CNRIP1: variants seen among roughly 807,000 people sequenced by gnomAD.
CNRIP1 encodes CB1 cannabinoid receptor-interacting protein 1.
In CNRIP1, 10 loss-of-function variants were observed where a neutral mutation model predicts 15.2. The observed-to-expected ratio is 0.66, with a 90% CI of 0.41 to 1.12. CNRIP1 has a LOEUF of 1.12. Ranked by LOEUF, CNRIP1 falls within the 50% of genes most tolerant of loss-of-function variation. The pLI is 0.00. For synonymous variants in CNRIP1, 91 were observed against 83.2 expected (o/e 1.09, Z -0.51); for missense variants, 211 against 214.7 (o/e 0.98, Z 0.11).
intron 2 of CNRIP1, chr2:68,315,868 G>A (rs527780401): frequency 6.6e-6 from 1 of 152,160 alleles, no homozygotes; most frequent in East Asian, 1.9e-4. Context: ...TTTAGAGACA[G>A]GGTCCCACTA....
intron 2 of CNRIP1, among the ~76,000 whole-genome samples, chr2:68,310,841 C>A (rs1017403244): frequency 6.6e-6 from 1 of 151,674 alleles, no homozygotes; most frequent in South Asian, 2.1e-4. Flanking sequence ...CTCAATTAGC[C>A]AACATAAGGA....
chr2:68,306,122 T>TAGAAAAA (rs1413570488), intron 2 of CNRIP1, among the ~76,000 whole-genome samples: 1 of 3,950 alleles, frequency 2.5e-4, no homozygotes, highest in African/African-American at 2.1e-3. Context: ...ACCCCACCTC[T>TAGAAAAA]ACAAAAAAAA....
chr2:68,318,502 C>A lies in CNRIP1; in HGVS notation c.179+720G>T, dbSNP rs145064985. 2.2e-3 allele frequency among the ~76,000 whole-genome samples: 332 copies of A among 152,266 alleles called. 5 individuals are homozygous for A. The South Asian group carries it at 0.033, about 15-fold the overall frequency. ...CCAGCGGTCGCTGGCAAGAAATCGT[C>A]CCTGCCATGGATAAACCAAAAAACA... On this transcript the variant is annotated intron_variant, in intron 1 of 2. Transcript: ENST00000263655.
downstream of CNRIP1, among the ~76,000 whole-genome samples, chr2:68,288,540 A>G (rs1558659197): frequency 6.6e-6 from 1 of 152,254 alleles, no homozygotes; most frequent in Non-Finnish European, 1.5e-5. Flanking sequence ...CAAGTGGGAA[A>G]TGAAATACCC....
At chr2:68,289,637 C>A (rs1034011852), downstream of CNRIP1, among the ~76,000 whole-genome samples, 2 of 152,160 alleles carry the variant, frequency 1.3e-5, no homozygotes, top group Non-Finnish European at 1.5e-5. Context: ...CACACCACCA[C>A]GCCCAGCTAA....
intron 2 of CNRIP1, among the ~76,000 whole-genome samples, chr2:68,310,101 G>A (rs911888153): frequency 1.3e-5 from 2 of 152,166 alleles, no homozygotes; most frequent in Non-Finnish European, 2.9e-5. Flanking sequence ...GCCGAGGCAG[G>A]TGGATCACTT....
chr2:68,313,916 T>C (rs1054132704), intron 2 of CNRIP1, among the ~76,000 whole-genome samples: 2 of 152,156 alleles, frequency 1.3e-5, no homozygotes, highest in African/African-American at 4.8e-5. Flanking sequence ...CCTCACTCTA[T>C]GCCCACCATG....
At position 68,319,722 on chromosome 2, in the gene CNRIP1, C is replaced by T. The variant is rs770581884; in HGVS notation, c.-322G>A. On this transcript the variant is annotated 5_prime_UTR_variant, in exon 1 of 3. Coordinates refer to ENST00000263655, the MANE Select transcript of CNRIP1 (RefSeq NM_015463.3). ...AGGCTCGCTCTGGCCCGCAGGCCGC[C>T]GCGCAGATCCGCGCAGCTGGGGGCG... 3.3e-5 allele frequency: 10 copies of T among 301,024 alleles called. No homozygotes were observed. The highest frequency in any genetic ancestry group is 5.0e-5 in the Non-Finnish European group (8 of 160,108). The allele number at this position is 301,024 out of a possible 1,614,324, so 18.6% of individuals were successfully genotyped here. A position where few individuals can be genotyped will look rare whatever the true frequency, so the allele number is the denominator to read the frequency against.
chr2:68,299,461 A>C (rs1671520086), intron 2 of CNRIP1, among the ~76,000 whole-genome samples: 1 of 152,186 alleles, frequency 6.6e-6, no homozygotes, highest in Non-Finnish European at 1.5e-5. Context: ...GTACATGAGA[A>C]AGATGATCTC....
At chr2:68,290,999 C>A (rs1573004575), downstream of CNRIP1, among the ~76,000 whole-genome samples, 3 of 152,122 alleles carry the variant, frequency 2.0e-5, no homozygotes, top group African/African-American at 7.2e-5. Context: ...TAAAAATAGC[C>A]CTTCCAGATG....
intron 2 of CNRIP1, among the ~76,000 whole-genome samples, chr2:68,296,188 T>G (rs1367803234): frequency 6.6e-6 from 1 of 152,244 alleles, no homozygotes; most frequent in African/African-American, 2.4e-5. Flanking sequence ...AAGTATTTAA[T>G]ACAGTTTTTA....
intron 2 of CNRIP1, among the ~76,000 whole-genome samples, chr2:68,313,185 A>G (rs762261535): frequency 2.0e-5 from 3 of 152,126 alleles, no homozygotes; most frequent in Non-Finnish European, 2.9e-5. Flanking sequence ...GGAATTTCCA[A>G]ATTAAAAAGA....
intron 2 of CNRIP1, among the ~76,000 whole-genome samples, chr2:68,295,924 T>C (rs533935682): frequency 1.3e-5 from 2 of 152,316 alleles, no homozygotes; most frequent in South Asian, 4.1e-4. Context: ...AATAGAAATA[T>C]CCATTTTTAG....
intron 2 of CNRIP1, among the ~76,000 whole-genome samples, chr2:68,297,587 AAAAAAAAAAAAAGG>A (rs1671424839): frequency 2.3e-5 from 1 of 44,008 alleles, no homozygotes; most frequent in African/African-American, 6.9e-5. Context: ...AAAAAAAAAA[AAAAAAAAAAAAAGG>A]AAAAAATGAC....
intron 2 of CNRIP1, chr2:68,284,623 C>A: frequency 2.0e-6 from 1 of 494,648 alleles, no homozygotes; most frequent in Non-Finnish European, 3.5e-6. Flanking sequence ...ACCAGCTGAC[C>A]AATATGGTGA....
At chr2:68,292,866 G>T, downstream of CNRIP1, 1 of 320,996 alleles carries the variant, frequency 3.1e-6, no homozygotes, top group Non-Finnish European at 4.5e-6. Flanking sequence ...AAAAGGTCAG[G>T]CTTGATTCAT....
chr2:68,306,124 C>CAAAAAAAAAAAAAAAA lies in CNRIP1; in HGVS notation c.330+11017_330+11032dup, dbSNP rs61586261. Among the ~76,000 whole-genome samples, 37 of 25,340 alleles carry CAAAAAAAAAAAAAAAA rather than the reference C, an allele frequency of 1.5e-3. 3 individuals carry two copies. The highest frequency in any genetic ancestry group is 5.9e-3 in the South Asian group (2 of 340). The allele number at this position is 25,340 out of a possible 152,430, so 16.6% of individuals were successfully genotyped here. ...CTGGGCAGCAGAGACCCCACCTCTA[C>CAAAAAAAAAAAAAAAA]AAAAAAAAAAAAAAAAAAAAAAAAA... On this transcript the variant is annotated intron_variant, in intron 2 of 2. Transcript: ENST00000263655.
chr2:68,294,837 T>C (rs758947406), intron 2 of CNRIP1, among the ~76,000 whole-genome samples: 8 of 152,182 alleles, frequency 5.3e-5, no homozygotes, highest in Non-Finnish European at 8.8e-5. Context: ...TGTATAAAAA[T>C]TCGTATAAGG....
chr2:68,294,781 A>G (rs933945181), intron 2 of CNRIP1, among the ~76,000 whole-genome samples: 4 of 152,228 alleles, frequency 2.6e-5, no homozygotes, highest in Non-Finnish European at 5.9e-5. Context: ...GGCTTAGATT[A>G]TACATTACCC....
Sources: gnomAD v4.1 joint callset for allele counts (sites outside exome capture counted in the v4.1 genomes callset) on GRCh38, gnomAD v4.1.1 for gene constraint, MANE v1.5 for transcripts, NCBI Gene and HGNC (gene_info 2026-07-23, HGNC 2026-07-21) for gene names.